MAP3K12: variants seen among roughly 807,000 people sequenced by gnomAD.
The protein encoded by MAP3K12 is mitogen-activated protein kinase kinase kinase 12, also known as MAPK-upstream kinase.
In MAP3K12, 14 loss-of-function variants were observed where a neutral mutation model predicts 87.5. The observed-to-expected ratio is 0.16, with a 90% confidence interval of 0.11 to 0.25. The LOEUF is 0.25. Ranked by LOEUF, MAP3K12 falls within the 10% of genes least tolerant of loss-of-function variation. The probability of loss-of-function intolerance (pLI) is 1.00; values close to 1 mark genes in which losing one functional copy is unlikely to be tolerated. For synonymous variants in MAP3K12, 469 were observed against 452.5 expected (o/e 1.04, Z -0.46); for missense variants, 802 against 1,140.4 (o/e 0.70, Z 4.27).
At chr12:53,488,229 C>T (rs1943291114) in intron 1 of MAP3K12, among the ~76,000 whole-genome samples, 1 of 152,224 alleles carries the variant, frequency 6.6e-6, no homozygotes, top group South Asian at 2.1e-4. Context: ...CCTTGGCCCT[C>T]CCTTCAGTCC....
At chr12:53,498,908 C>CTGTGTGTGTG (rs71068135) in intron 1 of MAP3K12, among the ~76,000 whole-genome samples, 6 of 108,438 alleles carry the variant, frequency 5.5e-5, no homozygotes, top group African/African-American at 1.5e-4. Context: ...GTCCAGCCTG[C>CTGTGTGTGTG]TGTGTGTGTG....
chr12:53,483,232 A>T, intron 10 of MAP3K12, 43 bp from the exon 11 acceptor site: 1 of 1,538,334 alleles, frequency 6.5e-7, no homozygotes, highest in South Asian at 1.3e-5. Flanking sequence ...TGCCAAATCT[A>T]TGTACTCAAA....
At chr12:53,481,597 C>T (rs1943049393) in intron 13 of MAP3K12, 2 of 324,608 alleles carry the variant, frequency 6.2e-6, no homozygotes, top group Admixed American at 4.4e-5. Context: ...ATCCACCCGC[C>T]TCGGCCTCCC....
chr12:53,484,445 T>G (rs1747776752), intron 6 of MAP3K12, 80 bp from the exon 7 acceptor site: 2 of 1,016,750 alleles, frequency 2.0e-6, no homozygotes, highest in East Asian at 4.9e-5. Context: ...TTTCCCAAAG[T>G]GTGTCCTGGA....
rs1416392312 is a variant in MAP3K12 at position 53,483,332 on chromosome 12, C to T, written c.1613+17G>A. 1 of 1,612,206 alleles carries T rather than the reference C, an allele frequency of 6.2e-7. No individual in the cohort carries two copies. Among genetic ancestry groups the T allele is most frequent in the Non-Finnish European group, 8.5e-7 (1 of 1,179,032 alleles). The stretch of plus-strand genomic sequence containing the variant: ...TATCCCTCTTGCCATATTGGAACCA[C>T]AGTACTCATGTCCCACCTTTTGCTA... On this transcript the variant is annotated intron_variant, in intron 10 of 13. Coordinates refer to ENST00000547488, the MANE Select transcript of MAP3K12 (RefSeq NM_001193511.2).
At chr12:53,483,269 T>G in intron 10 of MAP3K12, 80 bp from the exon 11 acceptor site, 1 of 1,575,828 alleles carries the variant, frequency 6.3e-7, no homozygotes, top group Non-Finnish European at 8.6e-7. Context: ...GACACTAAAG[T>G]ACACATCTCC....
intron 1 of MAP3K12, among the ~76,000 whole-genome samples, chr12:53,489,313 C>T (rs546605351): frequency 2.0e-5 from 3 of 152,036 alleles, no homozygotes; most frequent in South Asian, 2.1e-4. Flanking sequence ...AGCCAAACCC[C>T]GTCTCAAAAA....
chr12:53,483,585 G>A, intron 9 of MAP3K12, 22 bp downstream of exon 9: 1 of 1,613,914 alleles, frequency 6.2e-7, no homozygotes, highest in African/African-American at 1.3e-5. Context: ...AGGGCTTGGT[G>A]CATAAGGACA....
intron 1 of MAP3K12, among the ~76,000 whole-genome samples, chr12:53,494,729 C>G (rs1377067514): frequency 6.6e-6 from 1 of 152,068 alleles, no homozygotes; most frequent in Non-Finnish European, 1.5e-5. Context: ...GATTCCCTTT[C>G]TCTCGTGAGT....
intron 1 of MAP3K12, 192 bp from the exon 2 acceptor site, chr12:53,487,620 G>T (rs1943267853): frequency 1.8e-6 from 1 of 554,246 alleles, no homozygotes; most frequent in Admixed American, 3.3e-5. Flanking sequence ...ATACACTTGG[G>T]CTTCCTCTCA....
At chr12:53,495,936 T>C (rs761920802) in intron 1 of MAP3K12, among the ~76,000 whole-genome samples, 1 of 152,078 alleles carries the variant, frequency 6.6e-6, no homozygotes, top group Non-Finnish European at 1.5e-5. Context: ...GGGACAGTAC[T>C]ATTTAGGAAA....
chr12:53,484,428 A>G, intron 6 of MAP3K12, 63 bp from the exon 7 acceptor site: 1 of 1,238,976 alleles, frequency 8.1e-7, no homozygotes, highest in South Asian at 1.2e-5. Context: ...TAGGAACTGG[A>G]GCATCCTTTC....
At chr12:53,489,942 C>A (rs1260222956) in intron 1 of MAP3K12, among the ~76,000 whole-genome samples, 2 of 152,224 alleles carry the variant, frequency 1.3e-5, no homozygotes, top group African/African-American at 4.8e-5. Context: ...TGGCCCAGGA[C>A]AGCTGGTCTC....
Position 53,486,363 on chromosome 12 carries a change from G to A in MAP3K12, c.629+76C>T. 6.3e-7 allele frequency: 1 copy of A among 1,575,396 alleles called. No individual in the cohort carries two copies. The highest frequency in any genetic ancestry group is 8.6e-7 in the Non-Finnish European group (1 of 1,157,302). On this transcript the variant is annotated intron_variant, in intron 3 of 13. Transcript: ENST00000547488. This position sits in a 1 kb window ranked among gnomAD's most constrained non-coding sequence, Gnocchi z 4.9. ...TGGATCTCCTCTGGGGAAGGATGGG[G>A]TAGGTCCCACTGCCCAGGAGGGTAC...
chr12:53,494,011 C>A (rs1592722357), intron 1 of MAP3K12: 1 of 152,406 alleles, frequency 6.6e-6, no homozygotes, highest in South Asian at 2.1e-4. Flanking sequence ...GCTGCTGCCC[C>A]TGGGAGCTAT....
intron 1 of MAP3K12, among the ~76,000 whole-genome samples, chr12:53,496,225 T>C (rs955365782): frequency 2.0e-5 from 3 of 152,148 alleles, no homozygotes; most frequent in African/African-American, 4.8e-5. Context: ...CAGGTTCCAG[T>C]AGAACCAGGT....
intron 1 of MAP3K12, among the ~76,000 whole-genome samples, chr12:53,488,219 C>T (rs1017211097): frequency 6.6e-6 from 1 of 152,200 alleles, no homozygotes; most frequent in Non-Finnish European, 1.5e-5. Flanking sequence ...GCTTCATCCC[C>T]CTTGGCCCTC....
In MAP3K12 at chr12:53,485,039, G is replaced by A. The variant is rs1467571690; in HGVS notation, c.1139+17C>T. ...CAACTTCTCCAGGCCCAGTATCCCA[G>A]CCCAGACCATCCTTACCAGCACTGG... is the stretch of plus-strand genomic sequence containing the variant. On this transcript the variant is annotated intron_variant, in intron 6 of 13. Transcript: ENST00000547488. The A allele has an allele frequency of 3.7e-6, 6 of 1,613,982 alleles. No homozygotes were observed. The highest frequency in any genetic ancestry group is 1.7e-5 in the Admixed American group (1 of 59,994).
At chr12:53,494,088 A>C (rs890808689) in intron 1 of MAP3K12, among the ~76,000 whole-genome samples, 1 of 151,930 alleles carries the variant, frequency 6.6e-6, no homozygotes, top group Non-Finnish European at 1.5e-5. Flanking sequence ...TTTATTTCTG[A>C]CCTGCCAGCT....
Sources: allele counts gnomAD v4.1 joint callset (sites outside exome capture counted in the v4.1 genomes callset), GRCh38; gene constraint gnomAD v4.1.1; non-coding constraint Gnocchi (gnomAD v3.1); transcripts MANE v1.5; gene names NCBI Gene and HGNC (gene_info 2026-07-23, HGNC 2026-07-21).